RNF220: variants seen among roughly 807,000 people sequenced by gnomAD.
The protein encoded by RNF220 is E3 ubiquitin-protein ligase RNF220.
Under a neutral mutation model 67.1 loss-of-function variants are expected in RNF220, and 7 were observed. The observed-to-expected ratio is 0.10, with a 90% CI of 0.06 to 0.20. RNF220 has a LOEUF of 0.20. RNF220 is among the 10% of genes least tolerant of loss of function. The probability of loss-of-function intolerance (pLI) is 1.00; values close to 1 mark genes in which losing one functional copy is unlikely to be tolerated. For synonymous variants in RNF220, 270 were observed against 283.2 expected (o/e 0.95, Z 0.47); for missense variants, 565 against 740.3 (o/e 0.76, Z 2.75).
At chr1:44,528,386 C>T (rs1660564195) in intron 2 of RNF220, among the ~76,000 whole-genome samples, 1 of 151,942 alleles carries the variant, frequency 6.6e-6, no homozygotes, top group Non-Finnish European at 1.5e-5. Context: ...CTGCAAGCTC[C>T]GTCTCCCAGG....
chr1:44,616,068 T>C (rs1191643015), intron 3 of RNF220, among the ~76,000 whole-genome samples: 5 of 152,180 alleles, frequency 3.3e-5, no homozygotes, highest in Non-Finnish European at 7.3e-5. Flanking sequence ...GGTCTCTGCA[T>C]AGGACAGCTT....
intron 2 of RNF220, among the ~76,000 whole-genome samples, chr1:44,451,756 G>T (rs1260574461): frequency 6.6e-6 from 1 of 152,172 alleles, no homozygotes; most frequent in Non-Finnish European, 1.5e-5. Context: ...GAGTAGCTGG[G>T]ATTACAGGCA....
At chr1:44,472,027 CTAT>C (rs1654859328) in intron 2 of RNF220, among the ~76,000 whole-genome samples, 1 of 150,716 alleles carries the variant, frequency 6.6e-6, no homozygotes, top group African/African-American at 2.5e-5. Flanking sequence ...AGTTTTACTA[CTAT>C]TGTAGCATGT....
At chr1:44,618,533 A>G (rs771548288) in intron 3 of RNF220, among the ~76,000 whole-genome samples, 21 of 152,200 alleles carry the variant, frequency 1.4e-4, no homozygotes, top group Non-Finnish European at 3.1e-4. Flanking sequence ...ACCCCTTCAC[A>G]GGGGTTCCAT....
intron 2 of RNF220, among the ~76,000 whole-genome samples, chr1:44,604,914 G>A (rs886832779): frequency 6.6e-6 from 1 of 152,220 alleles, no homozygotes; most frequent in East Asian, 1.9e-4. Context: ...TCACACCTGT[G>A]TATTATATCT....
intron 2 of RNF220, among the ~76,000 whole-genome samples, chr1:44,440,305 A>G (rs1651419000): frequency 6.6e-6 from 1 of 152,168 alleles, no homozygotes; most frequent in Non-Finnish European, 1.5e-5. Flanking sequence ...AGCTCTGTCC[A>G]GAAAGAGCTT....
chr1:44,627,699 G>A (rs1006858160), intron 5 of RNF220, among the ~76,000 whole-genome samples: 2 of 152,200 alleles, frequency 1.3e-5, no homozygotes, highest in East Asian at 1.9e-4. Flanking sequence ...ACAGGGCTTC[G>A]CAGGGAGGCC....
chr1:44,519,759 G>C (rs1659758785), intron 2 of RNF220, among the ~76,000 whole-genome samples: 1 of 152,210 alleles, frequency 6.6e-6, no homozygotes, highest in Non-Finnish European at 1.5e-5. Context: ...GCAGGTGTCA[G>C]TCAGTCCCTG....
chr1:44,480,361 C>T (rs1363581347), intron 2 of RNF220, among the ~76,000 whole-genome samples: 2 of 152,070 alleles, frequency 1.3e-5, no homozygotes, highest in African/African-American at 4.8e-5. Flanking sequence ...GAGCCCTGAT[C>T]GTGCCACTAC....
At chr1:44,586,271 T>G (rs559668002) in intron 2 of RNF220, among the ~76,000 whole-genome samples, 2 of 152,256 alleles carry the variant, frequency 1.3e-5, no homozygotes, top group African/African-American at 4.8e-5. Flanking sequence ...GGTGTGGGCA[T>G]TCAGGAGAGA....
chr1:44,412,960 G>A lies in RNF220; in HGVS notation c.625+238G>A, dbSNP rs975580582. Among the ~76,000 whole-genome samples the A allele has an allele frequency of 2.0e-5, 3 of 152,122 alleles. No homozygotes were observed. Among genetic ancestry groups the A allele is most frequent in the South Asian group, 2.1e-4 (1 of 4,814 alleles). ...TGGCCCCAGCACAGCCTTTCTCTCCGGACCCTAGTGGGCTTATTCTCTGAG... is the reference window on the plus strand; with the variant it reads ...TGGCCCCAGCACAGCCTTTCTCTCCAGACCCTAGTGGGCTTATTCTCTGAG... On this transcript the variant is annotated intron_variant, in intron 2 of 14. Coordinates refer to ENST00000361799, the MANE Select transcript of RNF220 (RefSeq NM_018150.4). The surrounding 1 kb of genome is among the most constrained non-coding windows in gnomAD (Gnocchi z 5.3).
intron 2 of RNF220, among the ~76,000 whole-genome samples, chr1:44,497,082 G>C (rs1657406186): frequency 1.3e-5 from 2 of 152,058 alleles, no homozygotes; most frequent in Admixed American, 6.5e-5. Flanking sequence ...TTCTTCTCTG[G>C]CCAGTTCTGC....
intron 3 of RNF220, among the ~76,000 whole-genome samples, chr1:44,617,143 C>T (rs1156530459): frequency 6.6e-6 from 1 of 152,178 alleles, no homozygotes; most frequent in Non-Finnish European, 1.5e-5. Context: ...GGCACGCGCC[C>T]CCCTCCAACC....
At chr1:44,486,093 A>G (rs2148036505) in intron 2 of RNF220, among the ~76,000 whole-genome samples, 1 of 151,876 alleles carries the variant, frequency 6.6e-6, no homozygotes, top group East Asian at 1.9e-4. Context: ...CCTATTATTC[A>G]GCAACTCTCT....
chr1:44,636,266 T>C, intron 8 of RNF220, 104 bp downstream of exon 8: 1 of 1,475,200 alleles, frequency 6.8e-7, no homozygotes, highest in Non-Finnish European at 9.4e-7. Context: ...TGGTCATCCA[T>C]CCGTTCCACC....
intron 2 of RNF220, among the ~76,000 whole-genome samples, chr1:44,443,582 G>A (rs1045025875): frequency 1.3e-5 from 2 of 152,086 alleles, no homozygotes; most frequent in South Asian, 2.1e-4. Flanking sequence ...TCAGCCTCCC[G>A]TTCCAGGCTC....
At chr1:44,613,713 C>T (rs753650846) in intron 2 of RNF220, among the ~76,000 whole-genome samples, 5 of 152,042 alleles carry the variant, frequency 3.3e-5, no homozygotes, top group Non-Finnish European at 7.4e-5. Context: ...CCCATCTCTA[C>T]AAAAAATACA....
intron 2 of RNF220, among the ~76,000 whole-genome samples, chr1:44,447,814 T>C (rs933573837): frequency 1.3e-5 from 2 of 152,164 alleles, no homozygotes; most frequent in Non-Finnish European, 2.9e-5. Flanking sequence ...GCCTCTCTGG[T>C]TCCAAAGCTG....
At chr1:44,442,763 C>T (rs1166990971) in intron 2 of RNF220, among the ~76,000 whole-genome samples, 1 of 152,082 alleles carries the variant, frequency 6.6e-6, no homozygotes, top group Non-Finnish European at 1.5e-5. Flanking sequence ...GTGATCTGCC[C>T]ATCTAGGCCT....
Sources: allele counts gnomAD v4.1 joint callset (sites outside exome capture counted in the v4.1 genomes callset), GRCh38; gene constraint gnomAD v4.1.1; non-coding constraint Gnocchi (gnomAD v3.1); transcripts MANE v1.5; gene names NCBI Gene and HGNC (gene_info 2026-07-23, HGNC 2026-07-21).